MRAP: variants seen among roughly 807,000 people sequenced by gnomAD.
MRAP encodes melanocortin-2 receptor accessory protein.
A neutral mutation model predicts 8.7 loss-of-function variants in MRAP; 8 were observed. The ratio of observed to expected loss-of-function variants is 0.92; its 90% CI spans 0.54 to 1.66. The LOEUF (loss-of-function observed/expected upper bound fraction) is 1.66, where lower values mean the gene tolerates loss of function less well. MRAP is among the 40% of genes most tolerant of loss of function. The pLI is 0.00. For synonymous variants in MRAP, 95 were observed against 95.5 expected (o/e 1.00, Z 0.03); for missense variants, 237 against 217.1 (o/e 1.09, Z -0.58).
chr21:32,301,072 T>C (rs2032287710), intron 1 of MRAP, among the ~76,000 whole-genome samples: 2 of 151,660 alleles, frequency 1.3e-5, no homozygotes, highest in South Asian at 4.1e-4. Flanking sequence ...CATATATCCA[T>C]ATATATCATG....
chr21:32,312,605 T>C (rs2032608549), downstream of MRAP: 1 of 162,390 alleles, frequency 6.2e-6, no homozygotes, highest in Non-Finnish European at 1.4e-5. Flanking sequence ...GCAGGATCTA[T>C]GCCCAAATGC....
At chr21:32,298,794 C>A, upstream of MRAP, 1 of 608,518 alleles carries the variant, frequency 1.6e-6, no homozygotes, top group Non-Finnish European at 3.0e-6. Flanking sequence ...GACACACCCC[C>A]CTGACCTTTC....
intron 1 of MRAP, among the ~76,000 whole-genome samples, chr21:32,305,721 G>C (rs891769307): frequency 8.5e-5 from 13 of 152,152 alleles, no homozygotes; most frequent in Admixed American, 5.2e-4. Flanking sequence ...CTCAGCTTGT[G>C]ACATCTTGGC....
In MRAP at chr21:32,311,843, GCT is replaced by G. The variant is rs757872679; in HGVS notation, c.367_368del (p.Leu123ThrfsTer59). Reference protein sequence around the residue: ...PGSRTGPDQPLRQESSSTLPL... With the variant: ...PGSRTGPDQPXRQESSSTLPL... The stretch of plus-strand genomic sequence containing the variant: ...GGAGCAGAACTGGCCCTGACCAGCC[GCT>G]ACGACAGGAGAGCTCCTCCACCTTG... On this transcript the variant is annotated frameshift_variant, in exon 3 of 3. Transcript: ENST00000303645. LOFTEE classifies it low-confidence loss of function (END_TRUNC). The G allele has an allele frequency of 1.2e-6, 2 of 1,613,992 alleles. No homozygotes were observed. The highest frequency in any genetic ancestry group is 2.7e-5 in the African/African-American group (2 of 74,918).
chr21:32,300,267 T>TGCCTGTAATCCCA (rs1348487872), intron 1 of MRAP, among the ~76,000 whole-genome samples: 2 of 151,900 alleles, frequency 1.3e-5, no homozygotes, highest in African/African-American at 4.8e-5. Context: ...TGGTGGCTCA[T>TGCCTGTAATCCCA]GCCTGTAATC....
At chr21:32,294,950 G>T (rs1027233866), upstream of MRAP, among the ~76,000 whole-genome samples, 20 of 151,756 alleles carry the variant, frequency 1.3e-4, no homozygotes, top group Admixed American at 1.2e-3. Context: ...GACACTAACA[G>T]AAAACATTTA....
At chr21:32,305,858 A>G (rs1208701332) in intron 1 of MRAP, among the ~76,000 whole-genome samples, 3 of 151,856 alleles carry the variant, frequency 2.0e-5, no homozygotes, top group Non-Finnish European at 4.4e-5. Context: ...CTGGCCTAAC[A>G]TTCCCAAACT....
At chr21:32,310,877 C>T (rs2123525115) in intron 2 of MRAP, 1 of 152,334 alleles carries the variant, frequency 6.6e-6, no homozygotes, top group African/African-American at 2.4e-5. Flanking sequence ...GATCTCCTGA[C>T]CTCATGATCC....
At chr21:32,312,309 T>C (rs2032602178), downstream of MRAP, 1 of 1,304,574 alleles carries the variant, frequency 7.7e-7, no homozygotes, top group East Asian at 3.6e-5. Flanking sequence ...CTTACTAATC[T>C]TTACTATGCC....
chr21:32,314,534 A>G, downstream of MRAP: 1 of 1,608,146 alleles, frequency 6.2e-7, no homozygotes, highest in South Asian at 1.1e-5. Flanking sequence ...AAAATCTGAT[A>G]CCTTTTGACA....
downstream of MRAP, chr21:32,314,440 C>A: frequency 1.0e-6 from 1 of 969,854 alleles, no homozygotes; most frequent in South Asian, 1.3e-5. Flanking sequence ...CCGCCTTGGC[C>A]TCCCAAAGTG....
Position 32,312,080 on chromosome 21 carries a change from C to A in MRAP, c.*84C>A. On this transcript the variant is annotated 3_prime_UTR_variant, in exon 3 of 3. Coordinates refer to ENST00000303645, the MANE Select transcript of MRAP (RefSeq NM_001379228.1). ...ATACGTTCCTCGTTCTTCTTAGAGG[C>A]CATTTGCATGTAGCAGAAAGGGCAC... The A allele has an allele frequency of 6.3e-7, 1 of 1,599,864 alleles. No individual in the cohort carries two copies. The highest frequency in any genetic ancestry group is 8.5e-7 in the Non-Finnish European group (1 of 1,178,190).
intron 1 of MRAP, among the ~76,000 whole-genome samples, chr21:32,301,745 T>C (rs566155812): frequency 1.3e-5 from 2 of 152,300 alleles, no homozygotes; most frequent in Admixed American, 1.3e-4. Flanking sequence ...ATATATCTGC[T>C]TCCCTTTAGT....
chr21:32,306,775 A>C (rs1294875075), intron 2 of MRAP, 36 bp downstream of exon 2: 1 of 1,521,698 alleles, frequency 6.6e-7, no homozygotes, highest in Admixed American at 1.7e-5. Flanking sequence ...TGGGTCACTC[A>C]GACGCTCTCC....
chr21:32,308,325 C>T (rs896723097), intron 2 of MRAP, among the ~76,000 whole-genome samples: 4 of 151,118 alleles, frequency 2.6e-5, no homozygotes, highest in African/African-American at 9.7e-5. Flanking sequence ...TGCAGTGAAC[C>T]GAGATTGCAC....
chr21:32,314,195 A>G (rs1032649093), downstream of MRAP: 3 of 191,294 alleles, frequency 1.6e-5, no homozygotes, highest in African/African-American at 7.1e-5. Context: ...TTATTTTTTT[A>G]TTTTTTTGAG....
At chr21:32,313,891 A>G (rs2032634797), downstream of MRAP, 2 of 152,240 alleles carry the variant, frequency 1.3e-5, no homozygotes, top group African/African-American at 4.8e-5. Context: ...CTTTAAAATA[A>G]ATGCAGGCCT....
chr21:32,307,671 G>A (rs1283827293), intron 2 of MRAP, among the ~76,000 whole-genome samples: 1 of 151,946 alleles, frequency 6.6e-6, no homozygotes, highest in Non-Finnish European at 1.5e-5. Context: ...AAGGCAGGAG[G>A]ATCGCTTGAG....
At chr21:32,314,417 T>C, downstream of MRAP, 1 of 743,140 alleles carries the variant, frequency 1.3e-6, no homozygotes, top group Non-Finnish European at 2.4e-6. Context: ...ACTCCTGACC[T>C]CAGGTGATTC....
Sources: gnomAD v4.1 joint callset for allele counts (sites outside exome capture counted in the v4.1 genomes callset) on GRCh38, gnomAD v4.1.1 for gene constraint, MANE v1.5 for transcripts, NCBI Gene and HGNC (gene_info 2026-07-23, HGNC 2026-07-21) for gene names.